The following SHFL variants were observed in gnomAD, a reference collection of about 807,000 sequenced individuals.
SHFL encodes the protein shiftless antiviral inhibitor of ribosomal frameshifting protein.
SHFL carries 12 observed loss-of-function variants against 34.7 expected under a neutral mutation model. That is an observed-to-expected ratio of 0.35 (90% CI 0.22 to 0.56). The LOEUF is 0.56. SHFL is among the 20% of genes least tolerant of loss of function. The probability of loss-of-function intolerance (pLI) is 0.88; values close to 1 mark genes in which losing one functional copy is unlikely to be tolerated. For missense variants in SHFL, 278 were observed against 411.1 expected (o/e 0.68, Z 2.80); for synonymous variants, 148 against 156.0 (o/e 0.95, Z 0.38).
chr19:10,089,356 CAT>C (rs774654058), intron 3 of SHFL: 1 of 1,598,580 alleles, frequency 6.3e-7, no homozygotes, highest in Non-Finnish European at 8.5e-7. Flanking sequence ...CATCAACAAG[CAT>C]GTGGCATTTG....
At chr19:10,090,085 C>G (rs2232066) in intron 5 of SHFL, 38 bp downstream of exon 5, 132,667 of 1,575,372 alleles carry the variant, frequency 0.084, 6,247 homozygotes, top group Non-Finnish European at 0.096. Context: ...TTGACTGTCC[C>G]GAACTCCACT....
In SHFL at chr19:10,091,426, ACCCTGGCCCAG is replaced by A; in HGVS notation, c.489-47_489-37del. On this transcript the variant is annotated intron_variant, in intron 6 of 7. Transcript: ENST00000253110. The surrounding 1 kb of genome is among the most constrained non-coding windows in gnomAD (Gnocchi z 8.2). The stretch of plus-strand genomic sequence containing the variant: ...CCCTGCCCCTCCCTGCCCTGGCCCC[ACCCTGGCCCAG>A]CCTCGCCCTCGGACCCTCACAGCCC... 2.2e-6 allele frequency: 2 copies of A among 914,622 alleles called. No individual in the cohort carries two copies. The highest frequency in any genetic ancestry group is 2.7e-6 in the Non-Finnish European group (2 of 727,768). 56.7% of individuals were successfully genotyped at this position (914,622 alleles called of 1,614,324 possible). A position where few individuals can be genotyped will look rare whatever the true frequency, so the allele number is the denominator to read the frequency against.
chr19:10,086,506 G>A lies in SHFL; in HGVS notation c.21+58G>A. 2 of 1,323,816 alleles carry A rather than the reference G, an allele frequency of 1.5e-6. No individual in the cohort carries two copies. Among genetic ancestry groups the A allele is most frequent in the Non-Finnish European group, 1.9e-6 (2 of 1,029,124 alleles). 82.0% of individuals were successfully genotyped at this position (1,323,816 alleles called of 1,614,324 possible). ...CCGCGACAGACCCCGAGGAGCGGCC[G>A]GGAGGCGCGGAGGGGGCTTCGCAGT... On this transcript the variant is annotated intron_variant, in intron 1 of 7. Coordinates refer to ENST00000253110, the MANE Select transcript of SHFL (RefSeq NM_018381.4). The surrounding 1 kb of genome is among the most constrained non-coding windows in gnomAD (Gnocchi z 5.2).
At position 10,086,808 on chromosome 19, in the gene SHFL, G is replaced by T. The variant is rs558063401; in HGVS notation, c.22-121G>T. 1.8e-5 allele frequency: 22 copies of T among 1,196,408 alleles called. No homozygotes were observed. Among genetic ancestry groups the T allele is most frequent in the Middle Eastern group, 2.3e-4 (1 of 4,310 alleles). 74.1% of individuals were successfully genotyped at this position (1,196,408 alleles called of 1,614,324 possible). On this transcript the variant is annotated intron_variant, in intron 1 of 7. Transcript: ENST00000253110. The surrounding 1 kb of genome is among the most constrained non-coding windows in gnomAD (Gnocchi z 5.2). Reference sequence around the variant, plus strand: ...TGCCGTAAAGGGATGAAAGGCGGGGGGGGGGCGGCGGAGGCCAAAACCAAG... The same window carrying T: ...TGCCGTAAAGGGATGAAAGGCGGGGTGGGGGCGGCGGAGGCCAAAACCAAG...
rs138536720 is a variant in SHFL, at chr19:10,092,700, G to A, written c.*398G>A. The A allele has an allele frequency of 6.4e-5, 104 of 1,613,968 alleles. No individual in the cohort carries two copies. Among genetic ancestry groups the A allele is most frequent in the Non-Finnish European group, 6.9e-5 (81 of 1,179,912 alleles). ...GGTAGCGGCTTCGGTAGTGGCCGCCGTGGTGCCACACACCGTTGAGGTTGG... is the reference window on the plus strand; with the variant it reads ...GGTAGCGGCTTCGGTAGTGGCCGCCATGGTGCCACACACCGTTGAGGTTGG... On this transcript the variant is annotated 3_prime_UTR_variant, in exon 8 of 8. Transcript: ENST00000253110.
rs989328544 is a variant in SHFL, at chr19:10,091,035, G to A, written c.385-215G>A. Among the ~76,000 whole-genome samples, 2 of 152,194 alleles carry A rather than the reference G, an allele frequency of 1.3e-5. No individual in the cohort carries two copies. Among genetic ancestry groups the A allele is most frequent in the African/African-American group, 2.4e-5 (1 of 41,452 alleles). On this transcript the variant is annotated intron_variant, in intron 5 of 7. Coordinates refer to ENST00000253110, the MANE Select transcript of SHFL (RefSeq NM_018381.4). The surrounding 1 kb of genome is among the most constrained non-coding windows in gnomAD (Gnocchi z 8.2). Reference sequence around the variant, plus strand: ...ATGCTTAACTAGTTCTTGCAAAAGAGGCAGGAAGCCAAGATGTGTAGTGTT... The same window carrying A: ...ATGCTTAACTAGTTCTTGCAAAAGAAGCAGGAAGCCAAGATGTGTAGTGTT...
In SHFL at chr19:10,092,636, A is replaced by G. The variant is rs1180670150; in HGVS notation, c.*334A>G. 1.2e-6 allele frequency: 2 copies of G among 1,613,394 alleles called. No individual in the cohort carries two copies. Among genetic ancestry groups the G allele is most frequent in the South Asian group, 2.2e-5 (2 of 91,026 alleles). On this transcript the variant is annotated 3_prime_UTR_variant, in exon 8 of 8. Coordinates refer to ENST00000253110, the MANE Select transcript of SHFL (RefSeq NM_018381.4). ...AGCATGGCGGCCTTCCTGAGAGAAT[A>G]TGCCCCACCACGAAACTCAGCCCAG...
chr19:10,092,280 A>G lies in SHFL; in HGVS notation c.854A>G (p.Glu285Gly). The G allele has an allele frequency of 6.3e-7, 1 of 1,589,298 alleles. No individual in the cohort carries two copies. The highest frequency in any genetic ancestry group is 8.6e-7 in the Non-Finnish European group (1 of 1,168,106). ...EEEEEEEVED[E>G]EGGPRE The stretch of plus-strand genomic sequence containing the variant: ...GAGGAAGAGGAGGAGGTGGAGGACG[A>G]GGAGGGCGGGCCCAGGGAGTGACCC... Residue 285 changes from glutamate to glycine, a missense_variant, in exon 8 of 8, where the codon GAG (glutamate) becomes GGG (glycine). Glu to Gly is a moderately conservative substitution (Grantham distance 98). Around this residue, in one of 2 missense-constraint regions of SHFL, gnomAD observed 35 missense variants for 24.9 expected, o/e 1.41. Coordinates refer to ENST00000253110, the MANE Select transcript of SHFL (RefSeq NM_018381.4).
Position 10,090,009 on chromosome 19 carries a change from G to A in SHFL, c.346G>A (p.Asp116Asn), listed in dbSNP as rs766605434. The A allele has an allele frequency of 6.2e-6, 10 of 1,607,178 alleles. No individual in the cohort carries two copies. The highest frequency in any genetic ancestry group is 6.8e-6 in the Non-Finnish European group (8 of 1,177,324). The change falls in exon 5 of 8, where the codon GAC becomes AAC. Residue 116 changes from aspartate to asparagine, a missense_variant. Physicochemically the swap from Asp to Asn is conservative, Grantham distance 23. Around this residue, in one of 2 missense-constraint regions of SHFL, gnomAD observed 243 missense variants for 386.2 expected, o/e 0.63. Transcript: ENST00000253110. ...CCGGCAGTTTGCCTGCTCCTCCTGC[G>A]ACCACGTCTGGTGGCGCCGCGTGCC... ...VDRQFACSSC[D>N]HVWWRRVPQR... is the part of the protein sequence containing the mutation.
At position 10,086,695 on chromosome 19, in the gene SHFL, C is replaced by T. The variant is rs2088289958; in HGVS notation, c.22-234C>T. On this transcript the variant is annotated intron_variant, in intron 1 of 7. Transcript: ENST00000253110. This position sits in a 1 kb window ranked among gnomAD's most constrained non-coding sequence, Gnocchi z 5.2. Reference sequence around the variant, plus strand: ...AGGTCAGAGGCCAGAGATAACCTGGCCGCCCCCCCACACCTTAGGCTGGGA... The same window carrying T: ...AGGTCAGAGGCCAGAGATAACCTGGTCGCCCCCCCACACCTTAGGCTGGGA... The T allele has an allele frequency of 5.0e-6, 3 of 599,984 alleles. No individual in the cohort carries two copies. Among genetic ancestry groups the T allele is most frequent in the Middle Eastern group, 9.0e-4 (2 of 2,226 alleles). 37.2% of individuals were successfully genotyped at this position (599,984 alleles called of 1,614,324 possible).
chr19:10,088,661 A>G (rs1389787871), intron 3 of SHFL, among the ~76,000 whole-genome samples: 3 of 151,818 alleles, frequency 2.0e-5, no homozygotes, highest in Admixed American at 2.0e-4. Flanking sequence ...ATGATAGCAG[A>G]GGGGCCAGGT....
chr19:10,092,078 G>A lies in SHFL; in HGVS notation c.652G>A (p.Val218Met), dbSNP rs185591636. 6.5e-5 allele frequency: 105 copies of A among 1,613,780 alleles called. No homozygotes were observed. The highest frequency in any genetic ancestry group is 6.5e-4 in the East Asian group (29 of 44,876). ...CACCTCTCCCTCCCTAGAGCCCCACGTGCCTGGGACATCCTGTGCTCACCC... is the reference window on the plus strand; with the variant it reads ...CACCTCTCCCTCCCTAGAGCCCCACATGCCTGGGACATCCTGTGCTCACCC... ...ADCYNRREPH[V>M]PGTSCAHPKS... The change falls in exon 8 of 8, where the codon GTG (valine) becomes ATG (methionine). Residue 218 changes from valine to methionine, a missense_variant. Physicochemically the swap from Val to Met is conservative, Grantham distance 21. Around this residue, in one of 2 missense-constraint regions of SHFL, gnomAD observed 243 missense variants for 386.2 expected, o/e 0.63. Coordinates refer to ENST00000253110, the MANE Select transcript of SHFL (RefSeq NM_018381.4).
Position 10,086,915 on chromosome 19 carries a change from TGTCTCCATCCCAGCTGGAG to T in SHFL, c.22-13_27del. On this transcript the variant is annotated splice_acceptor_variant and splice_polypyrimidine_tract_variant and coding_sequence_variant and intron_variant, in exon 2 of 8. Transcript: ENST00000253110. LOFTEE classifies it high-confidence loss of function. The surrounding 1 kb of genome is among the most constrained non-coding windows in gnomAD (Gnocchi z 5.2). Reference sequence around the variant, plus strand: ...TCCCCTTCCCCCACCGGAACCCCCCTGTCTCCATCCCAGCTGGAGAAGAGCGTCCGGCGCCTCCGGGAGA... The same window carrying T: ...TCCCCTTCCCCCACCGGAACCCCCCTAAGAGCGTCCGGCGCCTCCGGGAGA... 1 of 1,613,088 alleles carries T rather than the reference TGTCTCCATCCCAGCTGGAG, an allele frequency of 6.2e-7. No homozygotes were observed. The highest frequency in any genetic ancestry group is 8.5e-7 in the Non-Finnish European group (1 of 1,179,444).
Position 10,092,712 on chromosome 19 carries a change from A to G in SHFL, c.*410A>G. ...GGTAGTGGCCGCCGTGGTGCCACAC[A>G]CCGTTGAGGTTGGAGTGGGCACAGG... On this transcript the variant is annotated 3_prime_UTR_variant, in exon 8 of 8. Coordinates refer to ENST00000253110, the MANE Select transcript of SHFL (RefSeq NM_018381.4). 3.1e-6 allele frequency: 5 copies of G among 1,613,876 alleles called. No homozygotes were observed. Among genetic ancestry groups the G allele is most frequent in the Non-Finnish European group, 4.2e-6 (5 of 1,179,828 alleles).
At chr19:10,087,147 C>A in intron 2 of SHFL, 95 bp downstream of exon 2, 1 of 1,586,244 alleles carries the variant, frequency 6.3e-7, no homozygotes, top group Non-Finnish European at 8.6e-7. Flanking sequence ...TCACCTCCCC[C>A]GGAGGTCCCA....
chr19:10,087,048 G>C lies in SHFL; in HGVS notation c.141G>C (p.Val47=), dbSNP rs941498351. 3 of 1,611,298 alleles carry C rather than the reference G, an allele frequency of 1.9e-6. No homozygotes were observed. In the African/African-American group the frequency reaches 4.0e-5, roughly 22 times the overall value. ...ACACGGGAGTGGGGCGCTCCATCGT[G>C]TACGGTGAGGCTGCAGGGGTCCCGG... is the stretch of plus-strand genomic sequence containing the variant. ...SDHTGVGRSI[V]YGVKQKDGQE... The change falls in exon 2 of 8, where the codon GTG becomes GTC. Residue 47 remains valine, a synonymous_variant. Coordinates refer to ENST00000253110, the MANE Select transcript of SHFL (RefSeq NM_018381.4).
chr19:10,091,225 G>T lies in SHFL; in HGVS notation c.385-25G>T, dbSNP rs774581960. 1.2e-6 allele frequency: 2 copies of T among 1,604,762 alleles called. No individual in the cohort carries two copies. The highest frequency in any genetic ancestry group is 1.7e-6 in the Non-Finnish European group (2 of 1,173,202). On this transcript the variant is annotated intron_variant, in intron 5 of 7. Coordinates refer to ENST00000253110, the MANE Select transcript of SHFL (RefSeq NM_018381.4). This position sits in a 1 kb window ranked among gnomAD's most constrained non-coding sequence, Gnocchi z 8.2. Reference sequence around the variant, plus strand: ...TCTGACAATCCTTGGTCCCCTCTCTGTACCTTCCTGCCCACCACCACCAGG... The same window carrying T: ...TCTGACAATCCTTGGTCCCCTCTCTTTACCTTCCTGCCCACCACCACCAGG...
intron 4 of SHFL, 23 bp from the exon 5 acceptor site, chr19:10,089,864 CCCCCACCTCAT>C (rs1568464187): frequency 6.2e-7 from 1 of 1,603,996 alleles, no homozygotes; most frequent in South Asian, 1.1e-5. Flanking sequence ...GGGTGACACC[CCCCCACCTCAT>C]CCCCACCTGC....
At position 10,086,721 on chromosome 19, in the gene SHFL, C is replaced by T. The variant is rs2088290760; in HGVS notation, c.22-208C>T. On this transcript the variant is annotated intron_variant, in intron 1 of 7. Transcript: ENST00000253110. The surrounding 1 kb of genome is among the most constrained non-coding windows in gnomAD (Gnocchi z 5.2). ...CGCCCCCCCACACCTTAGGCTGGGA[C>T]GCTCGCCCCAGTCCGCGCCTTCCCC... 9.2e-6 allele frequency: 6 copies of T among 649,306 alleles called. No individual in the cohort carries two copies. The highest frequency in any genetic ancestry group is 3.0e-5 in the Admixed American group (1 of 33,650). The allele number at this position is 649,306 out of a possible 1,614,324, so 40.2% of individuals were successfully genotyped here.
Sources: gnomAD v4.1 joint callset for allele counts (sites outside exome capture counted in the v4.1 genomes callset) on GRCh38, gnomAD v4.1.1 for gene constraint, gnomAD v4.1.1 regional missense constraint, Gnocchi (gnomAD v3.1) non-coding constraint, MANE v1.5 for transcripts, NCBI Gene and HGNC (gene_info 2026-07-23, HGNC 2026-07-21) for gene names.